SGCZ: variants seen among roughly 807,000 people sequenced by gnomAD.
The protein encoded by SGCZ is zeta-sarcoglycan.
A neutral mutation model predicts 41.3 loss-of-function variants in SGCZ; 40 were observed. The observed-to-expected ratio is 0.97, with a 90% CI of 0.75 to 1.26. The LOEUF is 1.26. Among genes scored for constraint, SGCZ ranks in the 50% most tolerant of loss-of-function variants. The pLI, the probability that SGCZ is intolerant of heterozygous loss-of-function variation, is 0.00. For synonymous variants in SGCZ, 206 were observed against 137.5 expected, an observed-to-expected ratio of 1.50 and a Z score of -3.49; for missense variants, 552 against 369.8, an observed-to-expected ratio of 1.49 and a Z score of -4.04.
Position 15,175,169 on chromosome 8 carries a change from T to A in SGCZ, c.39+62416A>T, listed in dbSNP as rs533562727. Among the ~76,000 whole-genome samples the A allele has an allele frequency of 9.9e-5, 15 of 152,112 alleles. No homozygotes were observed. The South Asian group carries it at 2.9e-3, about 29-fold the overall frequency. On this transcript the variant is annotated intron_variant, in intron 1 of 7. Transcript: ENST00000382080. ...AAAGAAATTCCACTTGACCGAGCAA[T>A]CCTATTACTGGGCATAAACACAAAG...
At chr8:14,846,926 G>T (rs550010231) in intron 1 of SGCZ, among the ~76,000 whole-genome samples, 1 of 151,834 alleles carries the variant, frequency 6.6e-6, no homozygotes, top group Non-Finnish European at 1.5e-5. Flanking sequence ...AAAGAAATTA[G>T]CTGGGCGTGG....
chr8:14,796,508 T>A (rs1366172177), intron 1 of SGCZ, among the ~76,000 whole-genome samples: 1 of 152,224 alleles, frequency 6.6e-6, no homozygotes, highest in East Asian at 1.9e-4. Flanking sequence ...AAACATTAAC[T>A]TTCATTAAAA....
intron 2 of SGCZ, among the ~76,000 whole-genome samples, chr8:14,443,443 G>T (rs529812646): frequency 2.9e-4 from 44 of 152,142 alleles, no homozygotes; most frequent in African/African-American, 1.0e-3. Context: ...AAACAGCATG[G>T]TACTGGTACC....
At chr8:14,273,077 AT>A (rs1223402983) in intron 3 of SGCZ, among the ~76,000 whole-genome samples, 2 of 151,984 alleles carry the variant, frequency 1.3e-5, no homozygotes, top group East Asian at 3.9e-4. Flanking sequence ...CAATTTCTTA[AT>A]TTTTCTGGTG....
chr8:14,556,621 A>G (rs1804043086), intron 1 of SGCZ, among the ~76,000 whole-genome samples: 1 of 151,916 alleles, frequency 6.6e-6, no homozygotes, highest in Admixed American at 6.6e-5. Context: ...CCCAAAGTCC[A>G]TTGTGTCATT....
At chr8:14,237,822 T>C (rs559017312) in intron 3 of SGCZ, 143 bp from the exon 4 acceptor site, 2 of 630,964 alleles carry the variant, frequency 3.2e-6, no homozygotes, top group African/African-American at 1.9e-5. Context: ...TCCCAATCAT[T>C]GGTGGACAAT....
At chr8:14,868,816 C>T (rs761217414) in intron 1 of SGCZ, among the ~76,000 whole-genome samples, 31 of 152,152 alleles carry the variant, frequency 2.0e-4, no homozygotes, top group African/African-American at 5.5e-4. Flanking sequence ...AACACCTCTA[C>T]GCAAATAAAT....
intron 2 of SGCZ, among the ~76,000 whole-genome samples, chr8:14,501,571 A>G (rs573127892): frequency 6.6e-6 from 1 of 151,612 alleles, no homozygotes; most frequent in Non-Finnish European, 1.5e-5. Context: ...TGCTTTTCAT[A>G]ATCTATATTA....
chr8:15,237,591 C>A lies in SGCZ; in HGVS notation c.33G>T (p.Glu11Asp), dbSNP rs751521506. The A allele has an allele frequency of 1.9e-5, 31 of 1,590,554 alleles. No individual in the cohort carries two copies. Among genetic ancestry groups the A allele is most frequent in the Non-Finnish European group, 2.6e-5 (30 of 1,166,796 alleles). Residue 11 changes from glutamate to aspartate, a missense_variant, in exon 1 of 8, where the codon GAG becomes GAT. Coordinates refer to ENST00000382080, the MANE Select transcript of SGCZ (RefSeq NM_139167.4). Reference protein sequence around the residue: MDRSTNLDIEELKMTREQYIL... With the variant: MDRSTNLDIEDLKMTREQYIL... ...CGCCCGGACCCGCACGTACCTTGAG[C>A]TCCTCAATGTCCAGGTTCGTTGATC...
intron 5 of SGCZ, among the ~76,000 whole-genome samples, chr8:14,149,689 A>AT (rs1396846041): frequency 6.6e-6 from 1 of 151,468 alleles, no homozygotes; most frequent in Non-Finnish European, 1.5e-5. Context: ...TAAACTTTAT[A>AT]TGAAACCACA....
At chr8:14,395,838 G>C (rs1172926112) in intron 2 of SGCZ, among the ~76,000 whole-genome samples, 1 of 152,140 alleles carries the variant, frequency 6.6e-6, no homozygotes, top group Non-Finnish European at 1.5e-5. Context: ...TAAATGAGTG[G>C]CTTCCAATAC....
At chr8:15,001,724 G>A (rs1261263921) in intron 1 of SGCZ, among the ~76,000 whole-genome samples, 10 of 92,622 alleles carry the variant, frequency 1.1e-4, no homozygotes, top group South Asian at 7.2e-4. Context: ...GCAAGACTCC[G>A]TCTCAAAAAA....
At chr8:14,475,313 T>C (rs965365420) in intron 2 of SGCZ, among the ~76,000 whole-genome samples, 17 of 152,038 alleles carry the variant, frequency 1.1e-4, no homozygotes, top group African/African-American at 3.1e-4. Context: ...AATTGTGGAG[T>C]TGCTGCCAGA....
At chr8:14,552,896 C>G (rs1803915823) in intron 2 of SGCZ, among the ~76,000 whole-genome samples, 1 of 151,898 alleles carries the variant, frequency 6.6e-6, no homozygotes, top group Admixed American at 6.6e-5. Flanking sequence ...ATCAATGCTC[C>G]CTGAAGTGAG....
chr8:14,386,260 A>G (rs1190517951), intron 2 of SGCZ, among the ~76,000 whole-genome samples: 1 of 151,990 alleles, frequency 6.6e-6, no homozygotes, highest in Non-Finnish European at 1.5e-5. Context: ...TTTTGTTTAA[A>G]ACTTCAGTAT....
chr8:14,331,168 G>C (rs570759002), intron 2 of SGCZ, among the ~76,000 whole-genome samples: 1 of 151,712 alleles, frequency 6.6e-6, no homozygotes, highest in Non-Finnish European at 1.5e-5. Context: ...AAGACATTAA[G>C]AATTAAATAT....
At chr8:14,869,220 C>T (rs1804052267) in intron 1 of SGCZ, among the ~76,000 whole-genome samples, 1 of 152,160 alleles carries the variant, frequency 6.6e-6, no homozygotes. Context: ...TCCAGTGGCA[C>T]ATCAAATAGC....
chr8:14,774,977 A>G (rs1800356520), intron 1 of SGCZ, among the ~76,000 whole-genome samples: 1 of 152,212 alleles, frequency 6.6e-6, no homozygotes, highest in South Asian at 2.1e-4. Flanking sequence ...ACTTTGACTG[A>G]AACACCACAT....
intron 1 of SGCZ, among the ~76,000 whole-genome samples, chr8:14,625,018 T>G (rs552373654): frequency 1.3e-5 from 2 of 152,168 alleles, no homozygotes; most frequent in East Asian, 3.9e-4. Context: ...TGTTAGTCAT[T>G]TTTTTTAATA....
Sources: allele counts gnomAD v4.1 joint callset (sites outside exome capture counted in the v4.1 genomes callset), GRCh38; gene constraint gnomAD v4.1.1; transcripts MANE v1.5; gene names NCBI Gene and HGNC (gene_info 2026-07-23, HGNC 2026-07-21).